Variants in PPP4R3B observed in about 807,000 individuals in gnomAD.
PPP4R3B encodes protein phosphatase 4 regulatory subunit 3B.
A neutral mutation model predicts 95.4 loss-of-function variants in PPP4R3B; 52 were observed. The ratio of observed to expected loss-of-function variants is 0.54; its 90% CI spans 0.44 to 0.69. The LOEUF (loss-of-function observed/expected upper bound fraction) is 0.69. PPP4R3B is among the 30% of genes least tolerant of loss of function. PPP4R3B has a pLI of 0.00. For synonymous variants in PPP4R3B, 407 were observed against 343.9 expected (o/e 1.18, Z -2.03); for missense variants, 1,003 against 1,005.9 (o/e 1.00, Z 0.04).
At chr2:55,556,460 T>A (rs1685856267) in intron 16 of PPP4R3B, among the ~76,000 whole-genome samples, 1 of 151,650 alleles carries the variant, frequency 6.6e-6, no homozygotes, top group Non-Finnish European at 1.5e-5. Flanking sequence ...GATATAAAAG[T>A]AGGATAGAAA....
intron 13 of PPP4R3B, chr2:55,565,927 C>T (rs1558959707): frequency 1.3e-5 from 2 of 152,218 alleles, no homozygotes; most frequent in Non-Finnish European, 2.9e-5. Flanking sequence ...CTATATTATA[C>T]ACACAGATCT....
intron 7 of PPP4R3B, 102 bp from the exon 8 acceptor site, chr2:55,581,800 G>GA (rs1689476036): frequency 1.6e-6 from 2 of 1,219,174 alleles, no homozygotes; most frequent in African/African-American, 1.6e-5. Context: ...ATTATATAGA[G>GA]AAAAAACGAA....
Position 55,598,750 on chromosome 2 carries a change from T to C in PPP4R3B, c.587A>G (p.Glu196Gly), listed in dbSNP as rs201750527. 48 of 1,614,116 alleles carry C rather than the reference T, an allele frequency of 3.0e-5. No homozygotes were observed. The highest frequency in any genetic ancestry group is 3.9e-5 in the Non-Finnish European group (46 of 1,180,050). ...ENTEGLHHLY[E>G]IIRGILFLNK... ...TAGGAATAAGATTCCTCTAATAATT[T>C]CATACAAATGGTGTAAGCCTTCAGT... The change falls in exon 4 of 17, where the codon GAA becomes GGA. Residue 196 changes from glutamate (E) to glycine (G), a missense_variant. By Grantham distance (98) the Glu-to-Gly change is moderately conservative (BLOSUM62 -2). Coordinates refer to ENST00000616407, the MANE Select transcript of PPP4R3B (RefSeq NM_001122964.3).
At chr2:55,613,278 G>A (rs1260861171) in intron 2 of PPP4R3B, among the ~76,000 whole-genome samples, 1 of 150,882 alleles carries the variant, frequency 6.6e-6, no homozygotes, top group African/African-American at 2.4e-5. Flanking sequence ...ATTCACACAA[G>A]TTTTTCACTC....
chr2:55,564,049 A>C (rs1356262165), intron 15 of PPP4R3B, among the ~76,000 whole-genome samples: 2 of 152,228 alleles, frequency 1.3e-5, no homozygotes. Flanking sequence ...TATTCACAGA[A>C]AGAAAAGTAT....
At chr2:55,569,721 G>A (rs775045395) in intron 12 of PPP4R3B, among the ~76,000 whole-genome samples, 3 of 152,006 alleles carry the variant, frequency 2.0e-5, no homozygotes, top group South Asian at 2.1e-4. Context: ...AAACATCAGC[G>A]CAGCCTGGCA....
chr2:55,552,271 C>G (rs1489297843), intron 16 of PPP4R3B, among the ~76,000 whole-genome samples: 2 of 152,076 alleles, frequency 1.3e-5, no homozygotes, highest in Non-Finnish European at 2.9e-5. Flanking sequence ...TAGAAATGTA[C>G]TGTTTTAAAA....
intron 7 of PPP4R3B, 65 bp downstream of exon 7, chr2:55,584,986 C>T: frequency 8.9e-7 from 1 of 1,126,588 alleles, no homozygotes; most frequent in African/African-American, 1.6e-5. Context: ...TTTTTTCTCT[C>T]AATAGTTTGC....
intron 3 of PPP4R3B, among the ~76,000 whole-genome samples, 193 bp from the exon 4 acceptor site, chr2:55,599,232 G>C (rs1559034510): frequency 6.6e-6 from 1 of 152,140 alleles, no homozygotes; most frequent in Non-Finnish European, 1.5e-5. Flanking sequence ...GAGGTCAGGA[G>C]TTCAAAACCA....
intron 4 of PPP4R3B, 148 bp from the exon 5 acceptor site, chr2:55,589,104 A>T: frequency 1.8e-6 from 1 of 541,190 alleles, no homozygotes; most frequent in Non-Finnish European, 3.2e-6. Flanking sequence ...CTGTGTTACA[A>T]TTTTCTAAAA....
chr2:55,584,658 A>T (rs531801817), intron 7 of PPP4R3B, among the ~76,000 whole-genome samples: 3 of 152,324 alleles, frequency 2.0e-5, no homozygotes, highest in South Asian at 4.1e-4. Context: ...TCACCCAGTC[A>T]TTATTAAACT....
Position 55,573,791 on chromosome 2 carries a change from TA to T in PPP4R3B, c.1607-15del. 6.8e-7 allele frequency: 1 copy of T among 1,463,724 alleles called. No homozygotes were observed. The highest frequency in any genetic ancestry group is 9.1e-7 in the Non-Finnish European group (1 of 1,104,178). The allele number at this position is 1,463,724 out of a possible 1,614,324, so 90.7% of individuals were successfully genotyped here. A position where few individuals can be genotyped will look rare whatever the true frequency, so the allele number is the denominator to read the frequency against. Reference sequence around the variant, plus strand: ...TTTGATAATTATCTACAAAAGAAAGTAATCTCATGAAAATAAATATTGAATA... The same window carrying T: ...TTTGATAATTATCTACAAAAGAAAGTATCTCATGAAAATAAATATTGAATA... On this transcript the variant is annotated splice_polypyrimidine_tract_variant and intron_variant, in intron 11 of 16. Transcript: ENST00000616407.
intron 16 of PPP4R3B, among the ~76,000 whole-genome samples, chr2:55,555,814 C>G (rs1385075341): frequency 6.6e-6 from 1 of 152,130 alleles, no homozygotes; most frequent in East Asian, 1.9e-4. Flanking sequence ...GAAGAGCTCA[C>G]CAAGATAAAT....
At chr2:55,611,098 G>GA (rs1311427311) in intron 2 of PPP4R3B, among the ~76,000 whole-genome samples, 17 of 152,178 alleles carry the variant, frequency 1.1e-4, no homozygotes, top group Non-Finnish European at 2.4e-4. Context: ...CTGGACTAAA[G>GA]TGATCCTCCT....
At position 55,564,965 on chromosome 2, in the gene PPP4R3B, G is replaced by A; in HGVS notation, c.2012C>T (p.Thr671Ile). Residue 671 changes from threonine (T) to isoleucine (I), a missense_variant, in exon 14 of 17, where the codon ACA becomes ATA. Coordinates refer to ENST00000616407, the MANE Select transcript of PPP4R3B (RefSeq NM_001122964.3). Reference sequence around the variant, plus strand: ...ATATTTAGTCTTCAATCCTTTGAATGTCTGAACATATTCAATCGATTCAAG... The same window carrying A: ...ATATTTAGTCTTCAATCCTTTGAATATCTGAACATATTCAATCGATTCAAG... ...KALESIEYVQ[T>I]FKGLKTKYEQ... The A allele has an allele frequency of 6.2e-7, 1 of 1,609,508 alleles. No individual in the cohort carries two copies.
chr2:55,590,601 A>T (rs1041836751), intron 4 of PPP4R3B, among the ~76,000 whole-genome samples: 7 of 151,788 alleles, frequency 4.6e-5, no homozygotes, highest in Non-Finnish European at 1.0e-4. Context: ...AAAATCTGCT[A>T]AAAAAACTGA....
At chr2:55,551,122 C>T (rs1242109916) in intron 16 of PPP4R3B, among the ~76,000 whole-genome samples, 8 of 152,044 alleles carry the variant, frequency 5.3e-5, no homozygotes, top group Admixed American at 2.0e-4. Flanking sequence ...GAGATCGAGG[C>T]GGATGGGTCA....
chr2:55,586,568 G>A, intron 6 of PPP4R3B, 50 bp downstream of exon 6: 1 of 1,029,722 alleles, frequency 9.7e-7, no homozygotes, highest in Non-Finnish European at 1.5e-6. Context: ...TAACATAAGT[G>A]TATTACAAAT....
intron 6 of PPP4R3B, among the ~76,000 whole-genome samples, chr2:55,585,431 G>A (rs1690011511): frequency 6.6e-6 from 1 of 152,088 alleles, no homozygotes; most frequent in African/African-American, 2.4e-5. Flanking sequence ...AATTGGCACA[G>A]GATTATAAGG....
Sources: allele counts gnomAD v4.1 joint callset (sites outside exome capture counted in the v4.1 genomes callset), GRCh38; gene constraint gnomAD v4.1.1; transcripts MANE v1.5; gene names NCBI Gene and HGNC (gene_info 2026-07-23, HGNC 2026-07-21).